Variants in ROBO2 observed in about 807,000 individuals in gnomAD.
The protein encoded by ROBO2 is roundabout guidance receptor 2, also known as roundabout homolog 2.
ROBO2 carries 53 observed loss-of-function variants against 160.8 expected under a neutral mutation model. The observed-to-expected ratio is 0.33, with a 90% confidence interval of 0.26 to 0.41. The LOEUF is 0.41. Ranked by LOEUF, ROBO2 falls within the 10% of genes least tolerant of loss-of-function variation. The probability of loss-of-function intolerance (pLI) is 1.00; values close to 1 mark genes in which losing one functional copy is unlikely to be tolerated. For missense variants in ROBO2, 1,577 were observed against 1,722.4 expected (o/e 0.92, Z 1.49); for synonymous variants, 664 against 611.7 (o/e 1.09, Z -1.26).
intron 2 of ROBO2, among the ~76,000 whole-genome samples, chr3:76,396,721 C>G (rs2077474112): frequency 6.6e-6 from 1 of 152,122 alleles, no homozygotes; most frequent in African/African-American, 2.4e-5. Context: ...CTCCCATTCA[C>G]AATTGCTTCA....
At chr3:76,819,618 T>C (rs2065950069) in intron 2 of ROBO2, among the ~76,000 whole-genome samples, 2 of 152,012 alleles carry the variant, frequency 1.3e-5, no homozygotes, top group African/African-American at 4.8e-5. Flanking sequence ...GCATTCATTG[T>C]TGGAGAGAGC....
At chr3:77,089,940 G>A (rs192183375) in intron 1 of ROBO2, among the ~76,000 whole-genome samples, 54 of 152,212 alleles carry the variant, frequency 3.5e-4, no homozygotes, top group Middle Eastern at 3.4e-3. Context: ...AATTACCTTA[G>A]CTCACTAATC....
At position 76,861,023 on chromosome 3, in the gene ROBO2, C is replaced by T. The variant is rs185684941; in HGVS notation, c.110-236991C>T. Among the ~76,000 whole-genome samples, 7 of 152,224 alleles carry T rather than the reference C, an allele frequency of 4.6e-5. No individual in the cohort carries two copies. The East Asian group carries it at 9.7e-4, about 21-fold the overall frequency. ...AGATGACTCTCAGCAAGCTCACTGG[C>T]GACCTCCAAAATTTCCATCCAGTCA... On this transcript the variant is annotated intron_variant, in intron 2 of 26. Transcript: ENST00000487694.
chr3:76,490,452 G>A (rs183595090), intron 2 of ROBO2, among the ~76,000 whole-genome samples: 9 of 152,214 alleles, frequency 5.9e-5, no homozygotes, highest in African/African-American at 2.2e-4. Context: ...TCGTTAGTAA[G>A]TTTTAATAGC....
At chr3:77,614,304 G>A (rs1039566079) in intron 21 of ROBO2, among the ~76,000 whole-genome samples, 1 of 152,084 alleles carries the variant, frequency 6.6e-6, no homozygotes, top group African/African-American at 2.4e-5. Context: ...ATTTAATTGT[G>A]ATCTCCAACA....
chr3:77,230,183 A>T (rs924980035), intron 2 of ROBO2, among the ~76,000 whole-genome samples: 8 of 151,748 alleles, frequency 5.3e-5, no homozygotes, highest in African/African-American at 1.9e-4. Flanking sequence ...GATCTCCTAT[A>T]CTCAAGGGAT....
intron 2 of ROBO2, among the ~76,000 whole-genome samples, chr3:76,907,008 G>A (rs2075649365): frequency 6.6e-6 from 1 of 151,514 alleles, no homozygotes. Flanking sequence ...TAGAATGCAA[G>A]CTTCAAAGAA....
intron 2 of ROBO2, among the ~76,000 whole-genome samples, chr3:76,588,352 T>C (rs1236855959): frequency 6.6e-6 from 1 of 152,234 alleles, no homozygotes; most frequent in Non-Finnish European, 1.5e-5. Flanking sequence ...GTTTCTGCAT[T>C]TAAAATAGCC....
At chr3:76,827,761 C>T (rs1416367090) in intron 2 of ROBO2, among the ~76,000 whole-genome samples, 2 of 151,986 alleles carry the variant, frequency 1.3e-5, no homozygotes, top group Admixed American at 6.6e-5. Flanking sequence ...CTGTTTGACG[C>T]ACCCACAAAC....
At chr3:77,546,569 T>G (rs1342306480) in intron 7 of ROBO2, 107 bp downstream of exon 8, 1 of 1,408,382 alleles carries the variant, frequency 7.1e-7, no homozygotes, top group Non-Finnish European at 1.0e-6. Context: ...TGAATTTATT[T>G]TATTTCTGAA....
intron 1 of ROBO2, among the ~76,000 whole-genome samples, chr3:77,046,939 A>C (rs2064734397): frequency 1.3e-5 from 2 of 152,186 alleles, no homozygotes; most frequent in South Asian, 4.1e-4. Flanking sequence ...TAGAATAAAA[A>C]AAGTAGTGTC....
intron 2 of ROBO2, among the ~76,000 whole-genome samples, chr3:76,058,589 CT>C (rs10676074): frequency 0.02 from 984 of 48,798 alleles, 6 homozygotes; most frequent in Admixed American, 0.048. Context: ...ACAGCAGAAA[CT>C]TTTTTTTTTT....
chr3:76,835,995 AATAG>A (rs1559578801), intron 2 of ROBO2, among the ~76,000 whole-genome samples: 1 of 152,020 alleles, frequency 6.6e-6, no homozygotes, highest in Non-Finnish European at 1.5e-5. Context: ...TCCCCCATCT[AATAG>A]ATGGATTGTA....
intron 2 of ROBO2, among the ~76,000 whole-genome samples, chr3:76,796,482 GGGAA>G (rs149627183): frequency 0.51 from 70,240 of 136,932 alleles, 18,414 homozygotes; most frequent in African/African-American, 0.69. Context: ...GAAGGAAGGA[GGGAA>G]GGAAGGAAGG....
At chr3:76,841,786 A>G (rs2068293730) in intron 2 of ROBO2, among the ~76,000 whole-genome samples, 1 of 152,206 alleles carries the variant, frequency 6.6e-6, no homozygotes, top group South Asian at 2.1e-4. Flanking sequence ...TAAATCTAAA[A>G]ATATTCTCTT....
intron 2 of ROBO2, among the ~76,000 whole-genome samples, chr3:76,609,908 T>C (rs2087953766): frequency 1.3e-5 from 2 of 152,176 alleles, no homozygotes; most frequent in South Asian, 4.1e-4. Flanking sequence ...AAATTAGGGC[T>C]TAGAGATGTT....
At chr3:76,578,489 T>C (rs2085453256) in intron 2 of ROBO2, among the ~76,000 whole-genome samples, 1 of 152,126 alleles carries the variant, frequency 6.6e-6, no homozygotes, top group South Asian at 2.1e-4. Context: ...CTGTTCTTTT[T>C]AGTTCATTTG....
chr3:76,483,748 T>C (rs1367752838), intron 2 of ROBO2, among the ~76,000 whole-genome samples: 1 of 152,116 alleles, frequency 6.6e-6, no homozygotes, highest in Non-Finnish European at 1.5e-5. Context: ...CCCCAGTGTG[T>C]GCTATTTCCC....
chr3:76,360,881 A>C lies in ROBO2; in HGVS notation c.109+423279A>C, dbSNP rs562986103. Among the ~76,000 whole-genome samples, 3 of 152,020 alleles carry C rather than the reference A, an allele frequency of 2.0e-5. No homozygotes were observed. The South Asian group carries it at 6.2e-4, about 32-fold the overall frequency. On this transcript the variant is annotated intron_variant, in intron 2 of 26. Transcript: ENST00000487694. ...TTGTGAACATGAGGATTAAAGCCAA[A>C]CTCCACAGAGGGTGGAATTGAAAGT...
Sources: gnomAD v4.1 joint callset for allele counts (sites outside exome capture counted in the v4.1 genomes callset) on GRCh38, gnomAD v4.1.1 for gene constraint, MANE v1.5 for transcripts, NCBI Gene and HGNC (gene_info 2026-07-23, HGNC 2026-07-21) for gene names.